The following CATSPERD variants were observed in gnomAD, a reference collection of about 807,000 sequenced individuals.
CATSPERD encodes catsper channel auxiliary subunit delta, also known as cation channel sperm-associated auxiliary subunit delta.
In CATSPERD, 86 loss-of-function variants were observed where a neutral mutation model predicts 98.1. The observed-to-expected ratio is 0.88, with a 90% CI of 0.74 to 1.05. The LOEUF (loss-of-function observed/expected upper bound fraction) is 1.05, where lower values mean the gene tolerates loss of function less well. Among genes scored for constraint, CATSPERD ranks in the 50% least tolerant of loss-of-function variants. The probability of loss-of-function intolerance (pLI) is 0.00; values close to 1 mark genes in which losing one functional copy is unlikely to be tolerated. For missense variants in CATSPERD, 995 were observed against 1,005.7 expected, an observed-to-expected ratio of 0.99 and a Z score of 0.14; for synonymous variants, 394 against 390.2, an observed-to-expected ratio of 1.01 and a Z score of -0.12.
chr19:5,732,563 G>C (rs1308469023), intron 4 of CATSPERD, among the ~76,000 whole-genome samples: 1 of 151,880 alleles, frequency 6.6e-6, no homozygotes, highest in Non-Finnish European at 1.5e-5. Flanking sequence ...CTCCCGAGTA[G>C]CTGGGACTAC....
intron 21 of CATSPERD, among the ~76,000 whole-genome samples, chr19:5,777,523 A>T (rs960532896): frequency 6.6e-6 from 1 of 152,178 alleles, no homozygotes; most frequent in African/African-American, 2.4e-5. Context: ...GAGCCTGGGC[A>T]TTGGGGGAGA....
chr19:5,775,805 C>T (rs754908220), intron 20 of CATSPERD, among the ~76,000 whole-genome samples: 5 of 152,112 alleles, frequency 3.3e-5, no homozygotes, highest in African/African-American at 9.7e-5. Flanking sequence ...GGCTCGTGAC[C>T]GCCCTCAGCA....
chr19:5,743,414 A>G (rs1227842802), intron 7 of CATSPERD, among the ~76,000 whole-genome samples: 2 of 152,014 alleles, frequency 1.3e-5, no homozygotes, highest in African/African-American at 4.8e-5. Flanking sequence ...CCTGGCCAAC[A>G]TGGCGAAACC....
intron 21 of CATSPERD, among the ~76,000 whole-genome samples, chr19:5,778,064 G>A (rs1019872029): frequency 7.9e-5 from 12 of 151,300 alleles, no homozygotes; most frequent in East Asian, 2.0e-4. Flanking sequence ...AAATTAGCCA[G>A]GCATGGTTGG....
At chr19:5,768,056 C>A in intron 17 of CATSPERD, 112 bp from the exon 18 acceptor site, 1 of 841,356 alleles carries the variant, frequency 1.2e-6, no homozygotes, top group South Asian at 1.7e-5. Context: ...CCTCAGCTCC[C>A]AAAGTGCTGG....
intron 1 of CATSPERD, among the ~76,000 whole-genome samples, chr19:5,721,607 A>T (rs571849246): frequency 2.0e-4 from 31 of 152,308 alleles, no homozygotes; most frequent in African/African-American, 7.2e-4. Flanking sequence ...CTTAGGGTGT[A>T]TGGCCTCATT....
intron 16 of CATSPERD, among the ~76,000 whole-genome samples, chr19:5,764,023 A>T (rs2056493548): frequency 6.8e-6 from 1 of 147,552 alleles, no homozygotes; most frequent in Non-Finnish European, 1.5e-5. Context: ...TAATTTTTGT[A>T]TTTTTAGAAG....
chr19:5,769,516 T>C (rs2056606955), intron 18 of CATSPERD, among the ~76,000 whole-genome samples: 1 of 151,876 alleles, frequency 6.6e-6, no homozygotes, highest in African/African-American at 2.4e-5. Flanking sequence ...AAGGGACAAA[T>C]ATCCAAACCA....
At chr19:5,760,073 CAAAAAAAAA>C (rs60075484) in intron 15 of CATSPERD, among the ~76,000 whole-genome samples, 1 of 48,534 alleles carries the variant, frequency 2.1e-5, no homozygotes, top group South Asian at 1.2e-3. Flanking sequence ...GACTCCATCT[CAAAAAAAAA>C]AAAAAAAAAA....
rs993466916 is a variant in CATSPERD at position 5,776,057 on chromosome 19, C to G, written c.1942-104C>G. On this transcript the variant is annotated intron_variant, in intron 20 of 21. Coordinates refer to ENST00000381624, the MANE Select transcript of CATSPERD (RefSeq NM_152784.4). ...GCCCCAGAGTCCCACCCATGCGTGC[C>G]TAATGAGGACTGGGGTGGGTGCAGG... is the stretch of plus-strand genomic sequence containing the variant. 6 of 1,258,796 alleles carry G rather than the reference C, an allele frequency of 4.8e-6. No individual in the cohort carries two copies. The African/African-American group carries it at 9.0e-5, about 19-fold the overall frequency. 78.0% of individuals were successfully genotyped at this position (1,258,796 alleles called of 1,614,324 possible). A position where few individuals can be genotyped will look rare whatever the true frequency, so the allele number is the denominator to read the frequency against.
chr19:5,753,571 AAAAG>A, intron 12 of CATSPERD: 1 of 417,372 alleles, frequency 2.4e-6, no homozygotes, highest in South Asian at 1.7e-5. Context: ...CAAAAAAAAA[AAAAG>A]AAACAGAAAG....
intron 17 of CATSPERD, 137 bp from the exon 18 acceptor site, chr19:5,768,031 C>G (rs1052670238): frequency 1.6e-5 from 9 of 575,416 alleles, no homozygotes; most frequent in Non-Finnish European, 2.5e-5. Flanking sequence ...CTCCTGACCT[C>G]AGGTGATCCG....
chr19:5,759,112 C>A lies in CATSPERD; in HGVS notation c.1395C>A (p.His465Gln), dbSNP rs1171721058. The change falls in exon 15 of 22, where the codon CAC becomes CAA. Residue 465 changes from histidine to glutamine, a missense_variant. Coordinates refer to ENST00000381624, the MANE Select transcript of CATSPERD (RefSeq NM_152784.4). ...KLDIFLKQQQ[H>Q]WGRTDSNFTS... is the part of the protein sequence containing the mutation. ...ATATTTTCCTAAAACAGCAGCAGCA[C>A]TGGGGCAGGACCGACTCCAACTTCA... 6.2e-7 allele frequency: 1 copy of A among 1,613,918 alleles called. No homozygotes were observed. Among genetic ancestry groups the A allele is most frequent in the Admixed American group, 1.7e-5 (1 of 59,946 alleles).
chr19:5,750,808 T>C (rs1172708426), intron 11 of CATSPERD, among the ~76,000 whole-genome samples: 1 of 152,104 alleles, frequency 6.6e-6, no homozygotes, highest in African/African-American at 2.4e-5. Context: ...GTTGTCCTTA[T>C]GACTGTGTTT....
chr19:5,725,075 C>T (rs1003495269), intron 2 of CATSPERD, among the ~76,000 whole-genome samples: 6 of 152,158 alleles, frequency 3.9e-5, no homozygotes, highest in Admixed American at 2.6e-4. Context: ...ATCTGAACAA[C>T]GCCAAGAGGA....
At chr19:5,756,137 C>T (rs1411860026) in intron 13 of CATSPERD, among the ~76,000 whole-genome samples, 13 of 151,728 alleles carry the variant, frequency 8.6e-5, no homozygotes, top group Non-Finnish European at 5.9e-5. Flanking sequence ...AAAAATTAGC[C>T]GGGTGTGGTG....
At chr19:5,774,299 A>G (rs1163311374) in intron 20 of CATSPERD, among the ~76,000 whole-genome samples, 1 of 152,028 alleles carries the variant, frequency 6.6e-6, no homozygotes, top group African/African-American at 2.4e-5. Flanking sequence ...CATTCTTCAT[A>G]TGGGCTGTCT....
intron 16 of CATSPERD, among the ~76,000 whole-genome samples, chr19:5,765,859 T>C (rs1403203917): frequency 6.6e-6 from 1 of 152,010 alleles, no homozygotes; most frequent in Admixed American, 6.6e-5. Context: ...CTGGTCTCCG[T>C]GAAGCCACTA....
intron 15 of CATSPERD, among the ~76,000 whole-genome samples, chr19:5,762,426 G>A (rs948896904): frequency 6.6e-6 from 1 of 151,952 alleles, no homozygotes; most frequent in African/African-American, 2.4e-5. Flanking sequence ...AACACCAAGG[G>A]GGAAACTGCC....
Sources: allele counts gnomAD v4.1 joint callset (sites outside exome capture counted in the v4.1 genomes callset), GRCh38; gene constraint gnomAD v4.1.1; transcripts MANE v1.5; gene names NCBI Gene and HGNC (gene_info 2026-07-23, HGNC 2026-07-21).